Variants in AGAP1 observed in about 807,000 individuals in gnomAD.
AGAP1 encodes the protein ArfGAP with GTPase domain, ankyrin repeat and PH domain 1.
A neutral mutation model predicts 105.3 loss-of-function variants in AGAP1; 29 were observed. That is an observed-to-expected ratio of 0.28 (90% CI 0.21 to 0.38). The LOEUF (loss-of-function observed/expected upper bound fraction) is 0.38, where lower values mean the gene tolerates loss of function less well. AGAP1 is among the 10% of genes least tolerant of loss of function. The pLI is 1.00. For missense variants in AGAP1, 998 were observed against 1,165.1 expected (o/e 0.86, Z 2.09); for synonymous variants, 509 against 485.9 (o/e 1.05, Z -0.63).
In AGAP1 at chr2:235,550,292, CT is replaced by C. The variant is rs1332454444; in HGVS notation, c.163+55444del. ...GAGGGCACGTCCCCACGTTCATGCC[CT>C]GTACTAGGGTCCCCTCTGGCACTCT... On this transcript the variant is annotated intron_variant, in intron 1 of 17. Transcript: ENST00000304032. This position sits in a 1 kb window ranked among gnomAD's most constrained non-coding sequence, Gnocchi z 4.6. Among the ~76,000 whole-genome samples, 2 of 152,212 alleles carry C rather than the reference CT, an allele frequency of 1.3e-5. No homozygotes were observed. Among genetic ancestry groups the C allele is most frequent in the Non-Finnish European group, 2.9e-5 (2 of 68,028 alleles).
rs565712752 is a variant in AGAP1 at position 235,615,657 on chromosome 2, G to T, written c.164-93522G>T. ...ATAGCTATGCATTTTGCCTCTTGGGGAGCTGGGTTATTGTGAAACTAGGTC... is the reference window on the plus strand; with the variant it reads ...ATAGCTATGCATTTTGCCTCTTGGGTAGCTGGGTTATTGTGAAACTAGGTC... On this transcript the variant is annotated intron_variant, in intron 1 of 17. Coordinates refer to ENST00000304032, the MANE Select transcript of AGAP1 (RefSeq NM_001037131.3). This position sits in a 1 kb window ranked among gnomAD's most constrained non-coding sequence, Gnocchi z 5.0. Among the ~76,000 whole-genome samples the T allele has an allele frequency of 3.9e-5, 6 of 152,142 alleles. No homozygotes were observed. In the South Asian group the frequency reaches 1.2e-3, roughly 32 times the overall value.
Position 235,549,963 on chromosome 2 carries a change from C to A in AGAP1, c.163+55114C>A, listed in dbSNP as rs192134202. Reference sequence around the variant, plus strand: ...AAGCTGTCTTCAGTGGTGGGGGAACCACCTGGGCCTTGGGCCTTGGCTCTG... The same window carrying A: ...AAGCTGTCTTCAGTGGTGGGGGAACAACCTGGGCCTTGGGCCTTGGCTCTG... On this transcript the variant is annotated intron_variant, in intron 1 of 17. Transcript: ENST00000304032. The surrounding 1 kb of genome is among the most constrained non-coding windows in gnomAD (Gnocchi z 4.2). Among the ~76,000 whole-genome samples the A allele has an allele frequency of 5.9e-5, 9 of 152,296 alleles. No homozygotes were observed. The highest frequency in any genetic ancestry group is 2.2e-4 in the African/African-American group (9 of 41,566).
At chr2:235,679,054 C>CAAGA (rs1164902907) in intron 1 of AGAP1, among the ~76,000 whole-genome samples, 5 of 152,200 alleles carry the variant, frequency 3.3e-5, no homozygotes. Context: ...ATGATGGCGG[C>CAAGA]AAGAAAGAAA....
intron 11 of AGAP1, among the ~76,000 whole-genome samples, chr2:235,915,400 C>T (rs943460335): frequency 1.3e-5 from 2 of 152,190 alleles, no homozygotes; most frequent in East Asian, 1.9e-4. Context: ...TTTGGCCCAG[C>T]GCAGTGGCTC....
At chr2:235,897,584 C>A (rs183168455) in intron 10 of AGAP1, among the ~76,000 whole-genome samples, 2 of 152,068 alleles carry the variant, frequency 1.3e-5, no homozygotes, top group Non-Finnish European at 2.9e-5. Flanking sequence ...CGTCTCTGGC[C>A]GTCCTTTGTA....
In AGAP1 at chr2:235,893,739, G is replaced by T. The variant is rs1483724733; in HGVS notation, c.1155+10290G>T. Among the ~76,000 whole-genome samples, 1 of 152,174 alleles carries T rather than the reference G, an allele frequency of 6.6e-6. No individual in the cohort carries two copies. The highest frequency in any genetic ancestry group is 1.5e-5 in the Non-Finnish European group (1 of 68,036). Reference sequence around the variant, plus strand: ...ACAGTCTGCCCAGGGGCTGTCATGTGAGTGGCACATAGGTATTGCTTAGTA... The same window carrying T: ...ACAGTCTGCCCAGGGGCTGTCATGTTAGTGGCACATAGGTATTGCTTAGTA... On this transcript the variant is annotated intron_variant, in intron 10 of 17. Coordinates refer to ENST00000304032, the MANE Select transcript of AGAP1 (RefSeq NM_001037131.3). This position sits in a 1 kb window ranked among gnomAD's most constrained non-coding sequence, Gnocchi z 4.7.
chr2:235,994,935 TA>T lies in AGAP1; in HGVS notation c.1645+26313del, dbSNP rs2055729950. ...CAAAAACATTAGCCAAGCGTGGTGG[TA>T]GGCGCCTGTAATCGCAGCTACTTGG... On this transcript the variant is annotated intron_variant, in intron 13 of 17. Transcript: ENST00000304032. The surrounding 1 kb of genome is among the most constrained non-coding windows in gnomAD (Gnocchi z 4.4). Among the ~76,000 whole-genome samples, 1 of 150,244 alleles carries T rather than the reference TA, an allele frequency of 6.7e-6. No homozygotes were observed. The highest frequency in any genetic ancestry group is 1.5e-5 in the Non-Finnish European group (1 of 67,568).
intron 1 of AGAP1, among the ~76,000 whole-genome samples, chr2:235,514,154 GCGCGCGCGCACA>G (rs765782901): frequency 0.018 from 1,179 of 66,650 alleles, 28 homozygotes; most frequent in South Asian, 0.089. Context: ...GCATGCGCGT[GCGCGCGCGCACA>G]CACACACACA....
At chr2:235,996,635 C>T (rs932759762) in intron 13 of AGAP1, among the ~76,000 whole-genome samples, 5 of 152,190 alleles carry the variant, frequency 3.3e-5, no homozygotes, top group South Asian at 2.1e-4. Flanking sequence ...CACCATCAAG[C>T]GGCAGTTCAT....
intron 1 of AGAP1, among the ~76,000 whole-genome samples, chr2:235,683,176 A>G (rs1395892222): frequency 1.3e-5 from 2 of 151,674 alleles, no homozygotes; most frequent in Non-Finnish European, 2.9e-5. Context: ...ACATGGTGGC[A>G]CACACTTGTA....
chr2:235,706,020 C>G (rs958517921), intron 1 of AGAP1, among the ~76,000 whole-genome samples: 1 of 152,122 alleles, frequency 6.6e-6, no homozygotes, highest in African/African-American at 2.4e-5. Flanking sequence ...TAAAACTTCA[C>G]GATTTAATTT....
At chr2:236,008,296 G>A (rs1040645349) in intron 13 of AGAP1, among the ~76,000 whole-genome samples, 1 of 152,212 alleles carries the variant, frequency 6.6e-6, no homozygotes, top group African/African-American at 2.4e-5. Context: ...CAGGAGCCAT[G>A]GAGCCTCAGT....
At position 235,874,292 on chromosome 2, in the gene AGAP1, G is replaced by A. The variant is rs921985608; in HGVS notation, c.1051-9053G>A. Among the ~76,000 whole-genome samples, 1 of 151,464 alleles carries A rather than the reference G, an allele frequency of 6.6e-6. No homozygotes were observed. The highest frequency in any genetic ancestry group is 2.0e-4 in the East Asian group (1 of 5,102). On this transcript the variant is annotated intron_variant, in intron 9 of 17. Transcript: ENST00000304032. This position sits in a 1 kb window ranked among gnomAD's most constrained non-coding sequence, Gnocchi z 4.5. ...TCTCGATCTCCTGACCTTGTGATCTGCCGGCCTCGGCCTCCCAAAGTGCTG... is the reference window on the plus strand; with the variant it reads ...TCTCGATCTCCTGACCTTGTGATCTACCGGCCTCGGCCTCCCAAAGTGCTG...
chr2:235,838,195 C>T (rs953357899), intron 9 of AGAP1, among the ~76,000 whole-genome samples: 2 of 151,830 alleles, frequency 1.3e-5, no homozygotes. Context: ...CCCCACCCCC[C>T]CAAAAAAAGA....
chr2:235,838,529 T>A (rs1960437604), intron 9 of AGAP1, among the ~76,000 whole-genome samples: 1 of 152,248 alleles, frequency 6.6e-6, no homozygotes, highest in Admixed American at 6.5e-5. Flanking sequence ...TGTGATTAAC[T>A]ACGTATTGTA....
chr2:235,803,018 GGTGGTGATGGTT>G (rs1957628020), intron 8 of AGAP1, among the ~76,000 whole-genome samples: 4 of 142,418 alleles, frequency 2.8e-5, no homozygotes, highest in African/African-American at 8.4e-5. Context: ...TGGTTGTGAT[GGTGGTGATGGTT>G]GTGATGGTGA....
chr2:235,621,587 C>T lies in AGAP1; in HGVS notation c.164-87592C>T, dbSNP rs970022862. The stretch of plus-strand genomic sequence containing the variant: ...ACTGGCTGGGCTGACCCCAATGGCC[C>T]CTGCCCATCATGCATTTAGGGGCTC... On this transcript the variant is annotated intron_variant, in intron 1 of 17. Coordinates refer to ENST00000304032, the MANE Select transcript of AGAP1 (RefSeq NM_001037131.3). The surrounding 1 kb of genome is among the most constrained non-coding windows in gnomAD (Gnocchi z 4.1). Among the ~76,000 whole-genome samples, 1 of 152,206 alleles carries T rather than the reference C, an allele frequency of 6.6e-6. No individual in the cohort carries two copies. The highest frequency in any genetic ancestry group is 2.4e-5 in the African/African-American group (1 of 41,458).
At position 235,840,771 on chromosome 2, in the gene AGAP1, T is replaced by G. The variant is rs1960737147; in HGVS notation, c.1050+33440T>G. On this transcript the variant is annotated intron_variant, in intron 9 of 17. Transcript: ENST00000304032. ...GGAGGATGAAGGAGAAAGAAGAGTT[T>G]TTTTTTTTTTTATAAATGAGGGACA... Among the ~76,000 whole-genome samples, 10 of 151,044 alleles carry G rather than the reference T, an allele frequency of 6.6e-5. No homozygotes were observed. The South Asian group carries it at 1.9e-3, about 29-fold the overall frequency.
rs561711937 is a variant in AGAP1 at position 235,577,704 on chromosome 2, G to A, written c.163+82855G>A. Among the ~76,000 whole-genome samples, 1 of 152,170 alleles carries A rather than the reference G, an allele frequency of 6.6e-6. No individual in the cohort carries two copies. Among genetic ancestry groups the A allele is most frequent in the African/African-American group, 2.4e-5 (1 of 41,496 alleles). ...GGAACGTGTGTGTCGTCATCCCCTC[G>A]AAGGCTTGGCTGATTGAGCCAGTAA... On this transcript the variant is annotated intron_variant, in intron 1 of 17. Transcript: ENST00000304032. This position sits in a 1 kb window ranked among gnomAD's most constrained non-coding sequence, Gnocchi z 4.5.
Sources: gnomAD v4.1 joint callset for allele counts (sites outside exome capture counted in the v4.1 genomes callset) on GRCh38, gnomAD v4.1.1 for gene constraint, Gnocchi (gnomAD v3.1) non-coding constraint, MANE v1.5 for transcripts, NCBI Gene and HGNC (gene_info 2026-07-23, HGNC 2026-07-21) for gene names.